The following CREB5 variants were observed in gnomAD, a reference collection of about 807,000 sequenced individuals.
CREB5 encodes the protein cyclic AMP-responsive element-binding protein 5.
In CREB5, 19 loss-of-function variants were observed where a neutral mutation model predicts 57.1. That is an observed-to-expected ratio of 0.33 (90% confidence interval 0.23 to 0.49). The LOEUF (loss-of-function observed/expected upper bound fraction) is 0.49, where lower values mean the gene tolerates loss of function less well. Ranked by LOEUF, CREB5 falls within the 20% of genes least tolerant of loss-of-function variation. The pLI is 0.99. For missense variants in CREB5, 579 were observed against 671.6 expected (o/e 0.86, Z 1.52); for synonymous variants, 238 against 238.3 (o/e 1.00, Z 0.01).
chr7:28,379,414 A>T (rs1786914160), intron 1 of CREB5, among the ~76,000 whole-genome samples: 1 of 152,222 alleles, frequency 6.6e-6, no homozygotes, highest in African/African-American at 2.4e-5. Flanking sequence ...ATTGTCTTTG[A>T]GATATCCATT....
chr7:28,312,226 C>T (rs945684038), intron 1 of CREB5, among the ~76,000 whole-genome samples: 4 of 151,514 alleles, frequency 2.6e-5, no homozygotes, highest in Admixed American at 1.3e-4. Context: ...GCTAGCAGTG[C>T]CTAGTTGGCT....
chr7:28,441,148 C>T (rs1789169686), intron 1 of CREB5, among the ~76,000 whole-genome samples: 1 of 152,152 alleles, frequency 6.6e-6, no homozygotes, highest in Admixed American at 6.6e-5. Flanking sequence ...AAATACCTTC[C>T]AGTGTGCTTT....
intron 4 of CREB5, among the ~76,000 whole-genome samples, chr7:28,514,482 G>A (rs1265431940): frequency 6.6e-6 from 1 of 152,102 alleles, no homozygotes; most frequent in Non-Finnish European, 1.5e-5. Context: ...TGCAAGCTCC[G>A]CCTCCCGGGT....
At chr7:28,553,606 G>A (rs1794755602) in intron 4 of CREB5, among the ~76,000 whole-genome samples, 1 of 152,188 alleles carries the variant, frequency 6.6e-6, no homozygotes, top group Non-Finnish European at 1.5e-5. Context: ...TGTCCCTGCA[G>A]CCACACTGCA....
intron 1 of CREB5, among the ~76,000 whole-genome samples, chr7:28,444,832 A>G (rs1167660182): frequency 6.6e-6 from 1 of 152,196 alleles, no homozygotes; most frequent in African/African-American, 2.4e-5. Context: ...TCACCCTGAA[A>G]CCATAGCAGA....
Position 28,346,740 on chromosome 7 carries a change from C to T in CREB5, c.-25+47299C>T, listed in dbSNP as rs77696925. Among the ~76,000 whole-genome samples, 723 of 152,226 alleles carry T rather than the reference C, an allele frequency of 4.7e-3. 6 individuals carry two copies. Among genetic ancestry groups the T allele is most frequent in the African/African-American group, 0.015 (625 of 41,540 alleles). ...AGCAATTCTTAAAGGTGGTTAAGAG[C>T]GGAGGGCCATCTTCTGGCTGAGCTC... is the stretch of plus-strand genomic sequence containing the variant. On this transcript the variant is annotated intron_variant, in intron 1 of 9. Transcript: ENST00000396299.
intron 5 of CREB5, among the ~76,000 whole-genome samples, chr7:28,594,300 T>C (rs1796623663): frequency 6.6e-6 from 1 of 152,230 alleles, no homozygotes; most frequent in Non-Finnish European, 1.5e-5. Flanking sequence ...TTCTGTTCTG[T>C]TATTGAGAGG....
chr7:28,463,341 TG>T (rs1368578683), intron 1 of CREB5, among the ~76,000 whole-genome samples: 1 of 152,204 alleles, frequency 6.6e-6, no homozygotes, highest in East Asian at 1.9e-4. Flanking sequence ...TGCTCTGTAA[TG>T]AATTTTGAAA....
intron 1 of CREB5, among the ~76,000 whole-genome samples, chr7:28,306,840 C>A (rs991370178): frequency 6.6e-6 from 1 of 152,026 alleles, no homozygotes; most frequent in African/African-American, 2.4e-5. Flanking sequence ...GGATTACAGG[C>A]GTGAGCCACC....
chr7:28,422,055 GA>G (rs2128010418), intron 1 of CREB5, among the ~76,000 whole-genome samples: 1 of 152,122 alleles, frequency 6.6e-6, no homozygotes, highest in Admixed American at 6.5e-5. Flanking sequence ...CTTTGCGGGG[GA>G]CAACCTGGGA....
chr7:28,491,218 C>T (rs1791791740), intron 2 of CREB5: 3 of 985,242 alleles, frequency 3.0e-6, no homozygotes, highest in South Asian at 4.7e-5. Flanking sequence ...TAAAGGATAG[C>T]CGAGCTGGAG....
chr7:28,718,999 T>C (rs1802866077), intron 6 of CREB5, 120 bp downstream of exon 6: 1 of 1,489,948 alleles, frequency 6.7e-7, no homozygotes, highest in Non-Finnish European at 9.1e-7. Flanking sequence ...TGCTTCTGAA[T>C]GGAGGGTTGA....
At chr7:28,512,823 A>G (rs1207146875) in intron 4 of CREB5, among the ~76,000 whole-genome samples, 3 of 152,222 alleles carry the variant, frequency 2.0e-5, no homozygotes, top group Non-Finnish European at 2.9e-5. Context: ...TTATTCTCCC[A>G]TAGGACCTAA....
At chr7:28,325,324 G>A (rs909525748) in intron 1 of CREB5, among the ~76,000 whole-genome samples, 45 of 152,164 alleles carry the variant, frequency 3.0e-4, no homozygotes, top group Non-Finnish European at 5.6e-4. Flanking sequence ...GCATGGTGGC[G>A]GGCGCCTGTG....
chr7:28,409,912 G>T (rs546318255), upstream of CREB5: 22 of 455,326 alleles, frequency 4.8e-5, no homozygotes, highest in East Asian at 1.4e-3. The surrounding 1 kb of genome is among the most constrained non-coding windows in gnomAD (Gnocchi z 4.4). Flanking sequence ...GGCAAGGTGC[G>T]GAGCCCTCCA....
At chr7:28,512,214 C>A (rs1368014634) in intron 4 of CREB5, among the ~76,000 whole-genome samples, 1 of 152,142 alleles carries the variant, frequency 6.6e-6, no homozygotes, top group Non-Finnish European at 1.5e-5. Flanking sequence ...AGGGAGAAGA[C>A]CAGCCTGGAG....
At position 28,723,928 on chromosome 7, in the gene CREB5, G is replaced by A. The variant is rs577582062; in HGVS notation, c.592-294G>A. On this transcript the variant is annotated intron_variant, in intron 6 of 10. Coordinates refer to ENST00000357727, the MANE Select transcript of CREB5 (RefSeq NM_182898.4). The stretch of plus-strand genomic sequence containing the variant: ...AAATAAGCACTATTGGTGGTAGCTG[G>A]AGTATTTACAAAAGTGGAAATATTT... Among the ~76,000 whole-genome samples, 13 of 152,224 alleles carry A rather than the reference G, an allele frequency of 8.5e-5. No homozygotes were observed. In the South Asian group the frequency reaches 1.5e-3, roughly 17 times the overall value.
chr7:28,546,990 C>T (rs537386117), intron 4 of CREB5, among the ~76,000 whole-genome samples: 35 of 152,352 alleles, frequency 2.3e-4, no homozygotes, highest in Non-Finnish European at 3.8e-4. Context: ...CCTGGCCTTC[C>T]AGGCCATTAT....
At chr7:28,778,250 T>C (rs1355864029) in intron 7 of CREB5, among the ~76,000 whole-genome samples, 3 of 152,226 alleles carry the variant, frequency 2.0e-5, no homozygotes, top group Non-Finnish European at 4.4e-5. Flanking sequence ...TACTATTCGA[T>C]TAGTAAAAAG....
Sources: allele counts gnomAD v4.1 joint callset (sites outside exome capture counted in the v4.1 genomes callset), GRCh38; gene constraint gnomAD v4.1.1; non-coding constraint Gnocchi (gnomAD v3.1); transcripts MANE v1.5; gene names NCBI Gene and HGNC (gene_info 2026-07-23, HGNC 2026-07-21).